BCAR3: variants seen among roughly 807,000 people sequenced by gnomAD.
BCAR3 encodes the protein BCAR3 adaptor protein, NSP family member.
A neutral mutation model predicts 80.1 loss-of-function variants in BCAR3; 37 were observed. That is an observed-to-expected ratio of 0.46 (90% CI 0.36 to 0.61). BCAR3 has a LOEUF of 0.61. Among genes scored for constraint, BCAR3 ranks in the 20% least tolerant of loss-of-function variants. The pLI, the probability that BCAR3 is intolerant of heterozygous loss-of-function variation, is 0.00. For missense variants in BCAR3, 978 were observed against 1,068.2 expected, an observed-to-expected ratio of 0.92 and a Z score of 1.18; for synonymous variants, 389 against 418.9, an observed-to-expected ratio of 0.93 and a Z score of 0.87.
At chr1:93,605,611 A>G (rs1027559987) in intron 3 of BCAR3, 2 of 152,262 alleles carry the variant, frequency 1.3e-5, no homozygotes, top group Non-Finnish European at 2.9e-5. Flanking sequence ...TCCAAGCCAG[A>G]AATCCTCACC....
chr1:93,604,371 T>C lies in BCAR3; in HGVS notation c.358-11978A>G, dbSNP rs117871071. 2.1e-4 allele frequency among the ~76,000 whole-genome samples: 32 copies of C among 152,302 alleles called. No homozygotes were observed. In the East Asian group the frequency reaches 6.2e-3, roughly 29 times the overall value. On this transcript the variant is annotated intron_variant, in intron 3 of 11. Coordinates refer to ENST00000260502, the MANE Select transcript of BCAR3 (RefSeq NM_003567.4). ...CTTATCAAAAGAGGCTCAGAAATCATGTATAGTAAATATGAAGAGGATATC... is the reference window on the plus strand; with the variant it reads ...CTTATCAAAAGAGGCTCAGAAATCACGTATAGTAAATATGAAGAGGATATC...
chr1:93,783,751 T>C (rs935324698), intron 2 of BCAR3, among the ~76,000 whole-genome samples: 5 of 152,190 alleles, frequency 3.3e-5, no homozygotes, highest in Admixed American at 6.5e-5. Flanking sequence ...TTGTGGTAGA[T>C]TGCACTTCCC....
chr1:93,597,430 A>G (rs1428444360), intron 3 of BCAR3, among the ~76,000 whole-genome samples: 1 of 152,184 alleles, frequency 6.6e-6, no homozygotes, highest in Non-Finnish European at 1.5e-5. Flanking sequence ...AATAGCCCTG[A>G]TATCAAAAAG....
chr1:93,775,881 C>A (rs747300903), intron 2 of BCAR3, among the ~76,000 whole-genome samples: 1 of 152,188 alleles, frequency 6.6e-6, no homozygotes, highest in East Asian at 1.9e-4. Flanking sequence ...GGAAGTAGAA[C>A]TGGGGAGGAG....
chr1:93,613,858 T>C (rs1218475265), intron 3 of BCAR3: 13 of 1,550,334 alleles, frequency 8.4e-6, no homozygotes, highest in Non-Finnish European at 1.0e-5. Flanking sequence ...TTGACTCCAA[T>C]GAAAGACTTG....
chr1:93,733,039 A>G (rs1650845920), intron 2 of BCAR3, among the ~76,000 whole-genome samples: 1 of 152,182 alleles, frequency 6.6e-6, no homozygotes, highest in Non-Finnish European at 1.5e-5. Flanking sequence ...GAAATACAAA[A>G]CTGAGACCAA....
chr1:93,786,248 G>C (rs1652941942), intron 2 of BCAR3, among the ~76,000 whole-genome samples: 1 of 148,296 alleles, frequency 6.7e-6, no homozygotes, highest in Admixed American at 6.8e-5. Flanking sequence ...TTGCTCCCTG[G>C]GAATGCTCAT....
intron 2 of BCAR3, among the ~76,000 whole-genome samples, chr1:93,743,720 T>G (rs538241200): frequency 4.5e-4 from 68 of 152,328 alleles, no homozygotes; most frequent in Admixed American, 4.1e-3. Context: ...ACAAGCTCAT[T>G]CTTACCCAGC....
At chr1:93,704,396 T>C (rs996667813) in intron 3 of BCAR3, among the ~76,000 whole-genome samples, 1 of 152,214 alleles carries the variant, frequency 6.6e-6, no homozygotes, top group Non-Finnish European at 1.5e-5. Context: ...TGATGGCTGT[T>C]GGGTGCTCAT....
chr1:93,761,551 C>T (rs780670076), intron 2 of BCAR3, among the ~76,000 whole-genome samples: 7 of 152,146 alleles, frequency 4.6e-5, no homozygotes, highest in Non-Finnish European at 8.8e-5. Flanking sequence ...TGAGAGCAGG[C>T]GTAAGTGGTG....
At chr1:93,615,021 T>C (rs915024102) in intron 3 of BCAR3, among the ~76,000 whole-genome samples, 8 of 151,468 alleles carry the variant, frequency 5.3e-5, no homozygotes, top group Non-Finnish European at 1.2e-4. Flanking sequence ...TTTTTTTTTT[T>C]TTTTAATCAA....
At chr1:93,655,008 T>C (rs236292) in intron 2 of BCAR3, among the ~76,000 whole-genome samples, 16,490 of 152,244 alleles carry the variant, frequency 0.11, 1,516 homozygotes, top group African/African-American at 0.25. Flanking sequence ...CTTGGTACCC[T>C]CAGTGCTTTG....
intron 2 of BCAR3, among the ~76,000 whole-genome samples, chr1:93,836,633 T>G (rs1271395351): frequency 6.6e-6 from 1 of 151,822 alleles, no homozygotes; most frequent in Non-Finnish European, 1.5e-5. Flanking sequence ...CCCCAACACT[T>G]TACCACTATT....
intron 2 of BCAR3, among the ~76,000 whole-genome samples, chr1:93,661,790 C>CA (rs1245662601): frequency 6.6e-6 from 1 of 152,216 alleles, no homozygotes; most frequent in Non-Finnish European, 1.5e-5. Context: ...CGCCCAGCCC[C>CA]AATGTAGCTT....
Position 93,582,690 on chromosome 1 carries a change from TCA to T in BCAR3, c.1295_1296del (p.Leu432GlnfsTer32). The T allele has an allele frequency of 6.2e-7, 1 of 1,613,988 alleles. No homozygotes were observed. The highest frequency in any genetic ancestry group is 8.5e-7 in the Non-Finnish European group (1 of 1,180,008). The part of the protein sequence containing the change: ...WLNSEANYCE[L>X]NPAFATGCGR... ...CCGCAGCCTGTGGCAAACGCTGGGT[TCA>T]GTTCACAGTAGTTGGCCTCTGAGTT... On this transcript the variant is annotated frameshift_variant, in exon 7 of 12. Transcript: ENST00000260502. LOFTEE classifies it high-confidence loss of function.
intron 2 of BCAR3, among the ~76,000 whole-genome samples, chr1:93,779,038 G>A (rs1399155415): frequency 6.6e-6 from 1 of 152,126 alleles, no homozygotes; most frequent in Non-Finnish European, 1.5e-5. Flanking sequence ...CAGTTGAGGA[G>A]GATGGGAGGA....
chr1:93,732,685 AACG>A (rs890432254), intron 2 of BCAR3, among the ~76,000 whole-genome samples: 3 of 152,136 alleles, frequency 2.0e-5, no homozygotes, highest in Admixed American at 6.5e-5. Context: ...GACTGAGAAA[AACG>A]ACTTCAGCAG....
intron 2 of BCAR3, among the ~76,000 whole-genome samples, chr1:93,672,093 C>T (rs900139758): frequency 6.6e-6 from 1 of 152,196 alleles, no homozygotes; most frequent in African/African-American, 2.4e-5. Flanking sequence ...AGCTCTCAAT[C>T]ATAAACAAAC....
At chr1:93,584,839 C>T in intron 5 of BCAR3, 1 of 378,720 alleles carries the variant, frequency 2.6e-6, no homozygotes. Context: ...GGAATTTCTC[C>T]AGCACCAAGC....
Sources: gnomAD v4.1 joint callset for allele counts (sites outside exome capture counted in the v4.1 genomes callset) on GRCh38, gnomAD v4.1.1 for gene constraint, MANE v1.5 for transcripts, NCBI Gene and HGNC (gene_info 2026-07-23, HGNC 2026-07-21) for gene names.